The following INPP5D variants were observed in gnomAD, a reference collection of about 807,000 sequenced individuals.
INPP5D encodes the protein phosphatidylinositol 3,4,5-trisphosphate 5-phosphatase 1.
INPP5D carries 33 observed loss-of-function variants against 122.9 expected under a neutral mutation model. The ratio of observed to expected loss-of-function variants is 0.27; its 90% CI spans 0.20 to 0.36. INPP5D has a LOEUF of 0.36. INPP5D is among the 10% of genes least tolerant of loss of function. INPP5D has a pLI of 1.00. For synonymous variants in INPP5D, 584 were observed against 576.2 expected (o/e 1.01, Z -0.19); for missense variants, 1,053 against 1,412.7 (o/e 0.75, Z 4.08).
At chr2:233,067,685 C>T (rs1691265078) in intron 1 of INPP5D, among the ~76,000 whole-genome samples, 1 of 152,214 alleles carries the variant, frequency 6.6e-6, no homozygotes, top group South Asian at 2.1e-4. Flanking sequence ...CTCCACTTCC[C>T]TACCAGCACT....
chr2:233,163,878 A>G lies in INPP5D; in HGVS notation c.1412A>G (p.Glu471Gly). Reference sequence around the variant, plus strand: ...GAGATCCTCAAACACTCCCTGCAAGAAATCACCAGTGTGACTTTTAAAACA... The same window carrying G: ...GAGATCCTCAAACACTCCCTGCAAGGAATCACCAGTGTGACTTTTAAAACA... ...WLEILKHSLQ[E>G]ITSVTFKTVA... Residue 471 changes from glutamate to glycine, a missense_variant, in exon 12 of 27, where the codon GAA (glutamate) becomes GGA (glycine). Around this residue, in one of 6 missense-constraint regions of INPP5D, gnomAD observed 105 missense variants for 199.8 expected, o/e 0.53. Transcript: ENST00000445964. 6.2e-7 allele frequency: 1 copy of G among 1,613,834 alleles called. No individual in the cohort carries two copies. Among genetic ancestry groups the G allele is most frequent in the South Asian group, 1.1e-5 (1 of 91,060 alleles).
Position 233,198,180 on chromosome 2 carries a change from C to G in INPP5D, c.2779C>G (p.Leu927Val), listed in dbSNP as rs1057220841. ...GGGGCCCTTTGGGCCACCAATGCCC[C>G]TGCACGTGAAGCAGACCTTGTCCCC... ...GVGPFGPPMPLHVKQTLSPDQ... is the reference protein window; with the variant it reads ...GVGPFGPPMPVHVKQTLSPDQ... The change falls in exon 25 of 27, where the codon CTG becomes GTG. Residue 927 changes from leucine (L) to valine (V), a missense_variant. Transcript: ENST00000445964. 1 of 1,613,512 alleles carries G rather than the reference C, an allele frequency of 6.2e-7. No homozygotes were observed. Among genetic ancestry groups the G allele is most frequent in the African/African-American group, 1.3e-5 (1 of 74,952 alleles).
chr2:233,145,534 T>C (rs1476910747), intron 6 of INPP5D, among the ~76,000 whole-genome samples: 4 of 152,306 alleles, frequency 2.6e-5, no homozygotes, highest in South Asian at 2.1e-4. Context: ...GTGGCTATTT[T>C]AGACAGGGTG....
At chr2:233,149,230 A>C (rs1174587525) in intron 9 of INPP5D, among the ~76,000 whole-genome samples, 1 of 151,102 alleles carries the variant, frequency 6.6e-6, no homozygotes. Context: ...CAGCTTCCCG[A>C]GTAGCTGGGA....
At chr2:233,110,716 G>T (rs1435007779) in intron 2 of INPP5D, among the ~76,000 whole-genome samples, 1 of 152,196 alleles carries the variant, frequency 6.6e-6, no homozygotes, top group African/African-American at 2.4e-5. Flanking sequence ...GAGGTCAGGA[G>T]TTCGAGACCA....
intron 26 of INPP5D, 86 bp downstream of exon 26, chr2:233,204,803 TGCATGTGTGTGTGC>T: frequency 2.1e-6 from 3 of 1,428,170 alleles, no homozygotes; most frequent in East Asian, 2.5e-5. Flanking sequence ...CATATGTGTG[TGCATGTGTGTGTGC>T]ACGCATGCAT....
chr2:233,189,956 GTGCCACACC>G lies in INPP5D; in HGVS notation c.2446+24_2446+32del, dbSNP rs746211922. The stretch of plus-strand genomic sequence containing the variant: ...TCCTATGGTAAGGGTCTGTGGGCAG[GTGCCACACC>G]TGCCTGTGAACTGGCGGCCTCTGAC... On this transcript the variant is annotated intron_variant, in intron 22 of 26. Transcript: ENST00000445964. The surrounding 1 kb of genome is among the most constrained non-coding windows in gnomAD (Gnocchi z 5.6). The G allele has an allele frequency of 6.2e-7, 1 of 1,611,266 alleles. No individual in the cohort carries two copies. The highest frequency in any genetic ancestry group is 1.1e-5 in the South Asian group (1 of 90,778).
intron 2 of INPP5D, among the ~76,000 whole-genome samples, chr2:233,120,387 G>C (rs1692934519): frequency 6.6e-6 from 1 of 152,234 alleles, no homozygotes; most frequent in Non-Finnish European, 1.5e-5. Flanking sequence ...GGGAGGCTGA[G>C]GCCAGAAAAT....
At chr2:233,185,161 C>T (rs938398176) in intron 20 of INPP5D, among the ~76,000 whole-genome samples, 6 of 151,936 alleles carry the variant, frequency 3.9e-5, no homozygotes, top group South Asian at 2.1e-4. Context: ...GCACAGTGAT[C>T]GGGGGAGGAA....
intron 2 of INPP5D, among the ~76,000 whole-genome samples, chr2:233,113,071 T>C (rs528399826): frequency 6.6e-6 from 1 of 152,332 alleles, no homozygotes; most frequent in East Asian, 1.9e-4. Flanking sequence ...CTCCTTTCTC[T>C]GAGAGTGAGA....
At chr2:233,180,463 C>T (rs1385099271) in intron 18 of INPP5D, among the ~76,000 whole-genome samples, 3 of 152,162 alleles carry the variant, frequency 2.0e-5, no homozygotes, top group East Asian at 1.9e-4. Context: ...CCTGACTCCC[C>T]ACCTCCATCC....
Position 233,107,381 on chromosome 2 carries a change from C to T in INPP5D, c.199-14726C>T, listed in dbSNP as rs116417593. 8.3e-3 allele frequency among the ~76,000 whole-genome samples: 1,264 copies of T among 152,230 alleles called. 9 individuals carry two copies. The highest frequency in any genetic ancestry group is 0.029 in the African/African-American group (1,193 of 41,542). On this transcript the variant is annotated intron_variant, in intron 2 of 26. Coordinates refer to ENST00000445964, the MANE Select transcript of INPP5D (RefSeq NM_001017915.3). ...GGTGGGCACAGGGAATGTAGACCTC[C>T]CAGGTTTCTCCTAGATCTCCCCATG...
At chr2:233,115,618 G>C (rs941315724) in intron 2 of INPP5D, among the ~76,000 whole-genome samples, 1 of 152,118 alleles carries the variant, frequency 6.6e-6, no homozygotes, top group Non-Finnish European at 1.5e-5. Flanking sequence ...CCTTCCCCAG[G>C]AGTATTGCTA....
Position 233,189,632 on chromosome 2 carries a change from G to A in INPP5D, c.2359-218G>A, listed in dbSNP as rs989933409. Among the ~76,000 whole-genome samples the A allele has an allele frequency of 3.9e-5, 6 of 152,158 alleles. No individual in the cohort carries two copies. The highest frequency in any genetic ancestry group is 8.8e-5 in the Non-Finnish European group (6 of 68,014). On this transcript the variant is annotated intron_variant, in intron 21 of 26. Transcript: ENST00000445964. This position sits in a 1 kb window ranked among gnomAD's most constrained non-coding sequence, Gnocchi z 5.6. ...CAGTTTAGGAGGCCTGGGGTGCAGC[G>A]TGGAGGTGAGGGGGACAGGGAAGGA... is the stretch of plus-strand genomic sequence containing the variant.
chr2:233,171,221 T>A, intron 17 of INPP5D, 69 bp downstream of exon 17: 1 of 1,557,430 alleles, frequency 6.4e-7, no homozygotes, highest in Non-Finnish European at 8.7e-7. Flanking sequence ...TCCCAAAAGG[T>A]GAACAGAAAG....
At chr2:233,089,020 A>C (rs1200317134) in intron 2 of INPP5D, among the ~76,000 whole-genome samples, 1 of 152,222 alleles carries the variant, frequency 6.6e-6, no homozygotes, top group Non-Finnish European at 1.5e-5. Flanking sequence ...TTACAGCCGT[A>C]TGTCCCGACT....
chr2:233,172,609 T>A (rs1165641716), intron 17 of INPP5D, among the ~76,000 whole-genome samples: 1 of 152,222 alleles, frequency 6.6e-6, no homozygotes, highest in Non-Finnish European at 1.5e-5. Context: ...GTTTTCAGAC[T>A]TACTGATTGT....
intron 2 of INPP5D, among the ~76,000 whole-genome samples, chr2:233,104,981 C>T (rs138481198): frequency 0.011 from 1,630 of 152,290 alleles, 17 homozygotes; most frequent in Non-Finnish European, 0.016. Flanking sequence ...ATAAATTGCA[C>T]CTCCAAATTT....
At chr2:233,182,551 T>C (rs975992540) in intron 19 of INPP5D, 52 bp downstream of exon 19, 18 of 1,604,498 alleles carry the variant, frequency 1.1e-5, no homozygotes, top group Non-Finnish European at 1.4e-5. Context: ...ACAAGGAGTG[T>C]TGGGAGCTTG....
Sources: gnomAD v4.1 joint callset for allele counts (sites outside exome capture counted in the v4.1 genomes callset) on GRCh38, gnomAD v4.1.1 for gene constraint, gnomAD v4.1.1 regional missense constraint, Gnocchi (gnomAD v3.1) non-coding constraint, MANE v1.5 for transcripts, NCBI Gene and HGNC (gene_info 2026-07-23, HGNC 2026-07-21) for gene names.